The following TMEM117 variants were observed in gnomAD, a reference collection of about 807,000 sequenced individuals.
The protein encoded by TMEM117 is transmembrane protein 117.
Under a neutral mutation model 52.4 loss-of-function variants are expected in TMEM117, and 27 were observed. That is an observed-to-expected ratio of 0.51 (90% CI 0.38 to 0.71). TMEM117 has a LOEUF of 0.71. Ranked by LOEUF, TMEM117 falls within the 30% of genes least tolerant of loss-of-function variation. The pLI is 0.00. For synonymous variants in TMEM117, 215 were observed against 206.3 expected, an observed-to-expected ratio of 1.04 and a Z score of -0.36; for missense variants, 556 against 630.5, an observed-to-expected ratio of 0.88 and a Z score of 1.26.
intron 3 of TMEM117, among the ~76,000 whole-genome samples, chr12:44,133,705 T>C (rs1355404345): frequency 6.6e-6 from 1 of 152,216 alleles, no homozygotes; most frequent in Non-Finnish European, 1.5e-5. Context: ...TGAGGCTTTG[T>C]GAGGCTAAAG....
At chr12:44,233,447 T>G (rs1311143536) in intron 5 of TMEM117, among the ~76,000 whole-genome samples, 1 of 151,294 alleles carries the variant, frequency 6.6e-6, no homozygotes, top group Non-Finnish European at 1.5e-5. Flanking sequence ...CAGAATTAGA[T>G]TAATCATAAT....
At chr12:43,844,060 G>A (rs565771100) in intron 1 of TMEM117, among the ~76,000 whole-genome samples, 1 of 152,326 alleles carries the variant, frequency 6.6e-6, no homozygotes, top group South Asian at 2.1e-4. Context: ...AGGAGGCCGA[G>A]TATGGTGGCT....
intron 3 of TMEM117, among the ~76,000 whole-genome samples, chr12:43,950,970 G>A (rs146394218): frequency 7.2e-5 from 11 of 152,272 alleles, no homozygotes; most frequent in African/African-American, 2.4e-4. Context: ...TACTGGGACT[G>A]GCTAGGCAGT....
At chr12:44,002,573 G>A (rs1946132882) in intron 3 of TMEM117, among the ~76,000 whole-genome samples, 1 of 152,120 alleles carries the variant, frequency 6.6e-6, no homozygotes, top group African/African-American at 2.4e-5. Context: ...CTGGAGCTGG[G>A]AGTTTGCTTC....
At chr12:44,386,859 A>G (rs994432708) in intron 7 of TMEM117, among the ~76,000 whole-genome samples, 4 of 151,866 alleles carry the variant, frequency 2.6e-5, no homozygotes, top group African/African-American at 9.7e-5. Flanking sequence ...ATTTTCCTAA[A>G]CTCCTCGCAG....
chr12:43,911,924 TG>T (rs1475624498), intron 2 of TMEM117, among the ~76,000 whole-genome samples: 36 of 139,000 alleles, frequency 2.6e-4, no homozygotes, highest in Non-Finnish European at 5.1e-4. Context: ...TCAACCATTG[TG>T]GAAGTCAGTG....
At chr12:44,128,489 A>G (rs1948363238) in intron 3 of TMEM117, among the ~76,000 whole-genome samples, 1 of 152,230 alleles carries the variant, frequency 6.6e-6, no homozygotes, top group African/African-American at 2.4e-5. Flanking sequence ...AGTTCCTGGC[A>G]TCCAGGAGGT....
intron 3 of TMEM117, among the ~76,000 whole-genome samples, chr12:43,969,625 C>A: frequency 6.6e-6 from 1 of 152,120 alleles, no homozygotes; most frequent in East Asian, 1.9e-4. Context: ...TGTCATCTGG[C>A]AACTTGCTGA....
intron 6 of TMEM117, among the ~76,000 whole-genome samples, chr12:44,373,492 T>C (rs1951893724): frequency 6.6e-6 from 1 of 152,210 alleles, no homozygotes; most frequent in Non-Finnish European, 1.5e-5. Flanking sequence ...AACATACCTA[T>C]CCACTTCCTT....
At chr12:44,392,726 A>C (rs1179618902), downstream of TMEM117, among the ~76,000 whole-genome samples, 1 of 126,234 alleles carries the variant, frequency 7.9e-6, no homozygotes, top group Non-Finnish European at 1.6e-5. Flanking sequence ...TCCTGTGTCC[A>C]TGTGTTCTCA....
At chr12:44,184,045 C>A (rs1271330074) in intron 4 of TMEM117, among the ~76,000 whole-genome samples, 2 of 152,070 alleles carry the variant, frequency 1.3e-5, no homozygotes, top group African/African-American at 4.8e-5. Flanking sequence ...AATCAGCTGA[C>A]CTTAAAGCAG....
chr12:44,153,750 GT>G (rs1763624661), intron 4 of TMEM117, among the ~76,000 whole-genome samples: 1 of 151,988 alleles, frequency 6.6e-6, no homozygotes, highest in Non-Finnish European at 1.5e-5. Context: ...GAGCAGTAAA[GT>G]TTTTTATATT....
At chr12:44,222,327 G>A (rs1949799213) in intron 5 of TMEM117, among the ~76,000 whole-genome samples, 1 of 152,138 alleles carries the variant, frequency 6.6e-6, no homozygotes, top group South Asian at 2.1e-4. Context: ...GAACTTCTGG[G>A]TCATCTGCAG....
At chr12:44,073,518 C>T (rs1947335979) in intron 3 of TMEM117, 1 of 152,134 alleles carries the variant, frequency 6.6e-6, no homozygotes, top group Non-Finnish European at 1.5e-5. Context: ...TTGAGGTTTT[C>T]CAACTGCTCT....
intron 1 of TMEM117, among the ~76,000 whole-genome samples, chr12:43,840,795 G>T (rs1309114816): frequency 6.6e-6 from 1 of 152,164 alleles, no homozygotes; most frequent in Non-Finnish European, 1.5e-5. Flanking sequence ...TTATAGAAAT[G>T]AATTTTTAAA....
the TMEM117 span, among the ~76,000 whole-genome samples, chr12:43,807,040 G>T: frequency 1.3e-5 from 2 of 152,184 alleles, no homozygotes; most frequent in Admixed American, 6.5e-5. Flanking sequence ...TAAGGTAGCA[G>T]CAGATATTAC....
At chr12:43,877,307 C>T (rs531028908) in intron 2 of TMEM117, among the ~76,000 whole-genome samples, 2 of 152,030 alleles carry the variant, frequency 1.3e-5, no homozygotes, top group Non-Finnish European at 2.9e-5. Flanking sequence ...TAATCTTTGA[C>T]CCACTAATTG....
At chr12:44,395,283 C>G in the TMEM117 span, among the ~76,000 whole-genome samples, 1 of 152,148 alleles carries the variant, frequency 6.6e-6, no homozygotes, top group South Asian at 2.1e-4. Context: ...CAAATGGTCT[C>G]CAAAATGAAT....
Position 44,389,222 on chromosome 12 carries a change from G to T in TMEM117, c.*550G>T, listed in dbSNP as rs571478600. ...TGGTGATCACCTTTTAATTTTTATT[G>T]GCTGTCTGCCAAATATAAATACAGA... is the stretch of plus-strand genomic sequence containing the variant. On this transcript the variant is annotated 3_prime_UTR_variant, in exon 8 of 8. Coordinates refer to ENST00000266534, the MANE Select transcript of TMEM117 (RefSeq NM_032256.3). The T allele has an allele frequency of 1.3e-5, 2 of 154,532 alleles. No individual in the cohort carries two copies. The highest frequency in any genetic ancestry group is 4.8e-5 in the African/African-American group (2 of 41,536). 9.6% of individuals were successfully genotyped at this position (154,532 alleles called of 1,614,324 possible).
Sources: gnomAD v4.1 joint callset for allele counts (sites outside exome capture counted in the v4.1 genomes callset) on GRCh38, gnomAD v4.1.1 for gene constraint, MANE v1.5 for transcripts, NCBI Gene and HGNC (gene_info 2026-07-23, HGNC 2026-07-21) for gene names.